The following POLE variants were observed in gnomAD, a reference collection of about 807,000 sequenced individuals.
POLE encodes DNA polymerase epsilon catalytic subunit A.
Under a neutral mutation model 279.2 loss-of-function variants are expected in POLE, and 188 were observed. That is an observed-to-expected ratio of 0.67 (90% CI 0.60 to 0.76). POLE has a LOEUF of 0.76. Ranked by LOEUF, POLE falls within the 30% of genes least tolerant of loss-of-function variation. The probability of loss-of-function intolerance (pLI) is 0.00; values close to 1 mark genes in which losing one functional copy is unlikely to be tolerated. For synonymous variants in POLE, 1,214 were observed against 1,172.5 expected (o/e 1.04, Z -0.72); for missense variants, 2,703 against 3,016.7 (o/e 0.90, Z 2.44).
intron 40 of POLE, chr12:132,638,816 C>T (rs2042084101): frequency 2.9e-6 from 1 of 348,906 alleles, no homozygotes; most frequent in Non-Finnish European, 5.4e-6. Flanking sequence ...TGTCCTCACA[C>T]AGATCTCCTG....
At chr12:132,625,384 C>T (rs772772360) in intron 47 of POLE, 1 of 741,886 alleles carries the variant, frequency 1.3e-6, no homozygotes, top group Non-Finnish European at 2.5e-6. Context: ...TCCTCCTTTC[C>T]TTCTCTTCAC....
At chr12:132,649,555 AGATGG>A (rs774875412) in intron 30 of POLE, 40 bp from the exon 31 acceptor site, 14 of 1,602,454 alleles carry the variant, frequency 8.7e-6, no homozygotes, top group Non-Finnish European at 1.2e-5. Flanking sequence ...GCAAGTGGTG[AGATGG>A]GAATGCCCGC....
intron 12 of POLE, among the ~76,000 whole-genome samples, chr12:132,674,147 G>A (rs984309794): frequency 6.6e-6 from 1 of 151,818 alleles, no homozygotes; most frequent in African/African-American, 2.4e-5. Context: ...GTGATCAGAT[G>A]CCAAGAAGAA....
At chr12:132,626,354 CG>C in intron 45 of POLE, 37 bp from the exon 46 acceptor site, 1 of 1,597,976 alleles carries the variant, frequency 6.3e-7, no homozygotes. Flanking sequence ...AAGGAGCTCC[CG>C]GGGCCTCCCT....
At chr12:132,644,100 A>ACC (rs1348283681) in intron 32 of POLE, 123 bp from the exon 33 acceptor site, 1 of 840,894 alleles carries the variant, frequency 1.2e-6, no homozygotes, top group Non-Finnish European at 1.9e-6. Flanking sequence ...GGGTACACCC[A>ACC]CCACGCCACA....
At chr12:132,663,027 C>T (rs1293104928) in intron 23 of POLE, among the ~76,000 whole-genome samples, 5 of 152,214 alleles carry the variant, frequency 3.3e-5, no homozygotes, top group African/African-American at 9.6e-5. Flanking sequence ...AAACCTCAGG[C>T]GTAACTGCTG....
At position 132,660,967 on chromosome 12, in the gene POLE, A is replaced by C. The variant is rs775843286; in HGVS notation, c.3060+2T>G. ...AGGTGAGGGTGGAGGGTAGGCCTTT[A>C]CCTTGCTGTACAGCACGTCCAGCCA... On this transcript the variant is annotated splice_donor_variant, in intron 25 of 48. Transcript: ENST00000320574. LOFTEE classifies it high-confidence loss of function. 2 of 1,599,792 alleles carry C rather than the reference A, an allele frequency of 1.3e-6. No individual in the cohort carries two copies. Among genetic ancestry groups the C allele is most frequent in the Non-Finnish European group, 1.7e-6 (2 of 1,172,538 alleles).
At chr12:132,647,404 T>A (rs1304393827) in intron 32 of POLE, among the ~76,000 whole-genome samples, 2 of 151,628 alleles carry the variant, frequency 1.3e-5, no homozygotes, top group Non-Finnish European at 2.9e-5. Context: ...TGCCCTACCT[T>A]GAAAATTAAA....
rs779229533 is a variant in POLE, at chr12:132,677,598, T to C, written c.700A>G (p.Ile234Val). 5 of 1,614,094 alleles carry C rather than the reference T, an allele frequency of 3.1e-6. No individual in the cohort carries two copies. Among genetic ancestry groups the C allele is most frequent in the African/African-American group, 2.7e-5 (2 of 74,934 alleles). ...YDVPYHIRLS[I>V]DLKIHVAHWY... is the part of the protein sequence containing the mutation. ...CTCACCACGTGGATCTTCAGGTCAA[T>C]GGAGAGGCGGATGTGGTAGGGAACA... is the stretch of plus-strand genomic sequence containing the variant. Residue 234 changes from isoleucine (I) to valine (V), a missense_variant, in exon 7 of 49, where the codon ATT (isoleucine) becomes GTT (valine). By Grantham distance (29) the Ile-to-Val change is conservative. Coordinates refer to ENST00000320574, the MANE Select transcript of POLE (RefSeq NM_006231.4).
intron 40 of POLE, chr12:132,638,543 G>C (rs952774324): frequency 2.4e-5 from 4 of 168,390 alleles, no homozygotes; most frequent in Non-Finnish European, 5.1e-5. Context: ...CCAGCAGTTG[G>C]GTAATAATCC....
rs1472629785 is a variant in POLE, at chr12:132,642,600, C to A, written c.4858G>T (p.Gly1620Trp). The change falls in exon 37 of 49, where the codon GGG (glycine) becomes TGG (tryptophan). Residue 1620 changes from glycine to tryptophan, a missense_variant. Gly to Trp is a radical substitution (Grantham distance 184). Around this residue, in one of 5 missense-constraint regions of POLE, gnomAD observed 1,551 missense variants for 1,686.1 expected, o/e 0.92. Coordinates refer to ENST00000320574, the MANE Select transcript of POLE (RefSeq NM_006231.4). Reference sequence around the variant, plus strand: ...CCATGGCGCTGCCAGTCCAGGACCCCATAGTTGATCTTGTCAGCCACACAG... The same window carrying A: ...CCATGGCGCTGCCAGTCCAGGACCCAATAGTTGATCTTGTCAGCCACACAG... ...PICVADKINY[G>W]VLDWQRHGAR... 9.9e-6 allele frequency: 16 copies of A among 1,613,582 alleles called. No homozygotes were observed. The highest frequency in any genetic ancestry group is 1.4e-5 in the Non-Finnish European group (16 of 1,180,040).
chr12:132,641,883 T>C, intron 38 of POLE, 32 bp from the exon 39 acceptor site: 1 of 1,591,336 alleles, frequency 6.3e-7, no homozygotes, highest in Non-Finnish European at 8.5e-7. Flanking sequence ...TCAGCCAGCA[T>C]CCTGCCAGCT....
In POLE at chr12:132,632,367, G is replaced by A. The variant is rs890951073; in HGVS notation, c.6278C>T (p.Ser2093Phe). Residue 2093 changes from serine to phenylalanine, a missense_variant, in exon 45 of 49, where the codon TCC (serine) becomes TTC (phenylalanine). Transcript: ENST00000320574. ...LSEMFPVLPG[S>F]HLLLNNPALE... ...GGCAGGGTTATTGAGCAGCAAGTGG[G>A]AACCGGGGAGGACAGGAAACATCTC... is the stretch of plus-strand genomic sequence containing the variant. 6.2e-6 allele frequency: 10 copies of A among 1,614,190 alleles called. No homozygotes were observed. Among genetic ancestry groups the A allele is most frequent in the Non-Finnish European group, 7.6e-6 (9 of 1,179,998 alleles).
Position 132,641,672 on chromosome 12 carries a change from T to G in POLE, c.5353A>C (p.Thr1785Pro), listed in dbSNP as rs1241656113. 6.2e-7 allele frequency: 1 copy of G among 1,614,064 alleles called. No individual in the cohort carries two copies. The highest frequency in any genetic ancestry group is 1.1e-5 in the South Asian group (1 of 91,086). Residue 1785 changes from threonine to proline, a missense_variant, in exon 39 of 49, where the codon ACA (threonine) becomes CCA (proline). Physicochemically the swap from Thr to Pro is conservative, Grantham distance 38. Transcript: ENST00000320574. ...CTGAAGGTGTTAGAGCACAGGGCTG[T>G]CTCATCGTAGCTGGCCGGGGCACTG... ...AASAPASYDE[T>P]ALCSNTFRIL...
At chr12:132,645,809 CA>C (rs1565942577) in intron 32 of POLE, among the ~76,000 whole-genome samples, 1 of 150,784 alleles carries the variant, frequency 6.6e-6, no homozygotes, top group East Asian at 1.9e-4. Flanking sequence ...CCCACACACA[CA>C]CACACAAAAT....
chr12:132,665,577 A>G lies in POLE; in HGVS notation c.2320-127T>C, dbSNP rs565804047. On this transcript the variant is annotated intron_variant, in intron 20 of 48. Transcript: ENST00000320574. ...ATAGAAAACCTAAAAAACCAGTACA[A>G]TGAAGAGTGTACATTCTTCTCCTAG... is the stretch of plus-strand genomic sequence containing the variant. 1.9e-5 allele frequency: 19 copies of G among 1,023,142 alleles called. No individual in the cohort carries two copies. The South Asian group carries it at 3.3e-4, about 18-fold the overall frequency. 63.4% of individuals were successfully genotyped at this position (1,023,142 alleles called of 1,614,324 possible). A position where few individuals can be genotyped will look rare whatever the true frequency, so the allele number is the denominator to read the frequency against.
intron 40 of POLE, 143 bp from the exon 41 acceptor site, chr12:132,638,282 A>C: frequency 1.8e-6 from 1 of 555,200 alleles, no homozygotes; most frequent in East Asian, 3.4e-5. Context: ...GAAGCTAATG[A>C]AGAGCAAAGA....
rs572502366 is a variant in POLE at position 132,642,225 on chromosome 12, C to T, written c.5125G>A (p.Asp1709Asn). The change falls in exon 38 of 49, where the codon GAT becomes AAT. Residue 1709 changes from aspartate to asparagine, a missense_variant. Coordinates refer to ENST00000320574, the MANE Select transcript of POLE (RefSeq NM_006231.4). ...TTGATCTCAACAGTGGCTTGGTCAT[C>T]GAACTCCATGACAAGACAGTTGTCA... ...ADDNCLVMEF[D>N]DQATVEINSS... 9.3e-6 allele frequency: 15 copies of T among 1,608,640 alleles called. No individual in the cohort carries two copies. Among genetic ancestry groups the T allele is most frequent in the Admixed American group, 6.7e-5 (4 of 59,298 alleles).
chr12:132,660,717 C>T, intron 25 of POLE: 1 of 322,742 alleles, frequency 3.1e-6, no homozygotes. Flanking sequence ...GCTGGGACCA[C>T]AGGCACGCAT....
Sources: gnomAD v4.1 joint callset for allele counts (sites outside exome capture counted in the v4.1 genomes callset) on GRCh38, gnomAD v4.1.1 for gene constraint, gnomAD v4.1.1 regional missense constraint, MANE v1.5 for transcripts, NCBI Gene and HGNC (gene_info 2026-07-23, HGNC 2026-07-21) for gene names.